KLHL24: variants seen among roughly 807,000 people sequenced by gnomAD.
KLHL24 encodes the protein kelch-like protein 24.
In KLHL24, 29 loss-of-function variants were observed where a neutral mutation model predicts 53.4. The ratio of observed to expected loss-of-function variants is 0.54; its 90% CI spans 0.40 to 0.74. KLHL24 has a LOEUF of 0.74. Ranked by LOEUF, KLHL24 falls within the 30% of genes least tolerant of loss-of-function variation. The pLI is 0.00. For missense variants in KLHL24, 504 were observed against 744.0 expected (o/e 0.68, Z 3.75); for synonymous variants, 222 against 253.7 (o/e 0.88, Z 1.19).
At chr3:183,659,333 T>C (rs1719366934) in intron 3 of KLHL24, among the ~76,000 whole-genome samples, 1 of 152,098 alleles carries the variant, frequency 6.6e-6, no homozygotes, top group South Asian at 2.1e-4. Flanking sequence ...GGTCAGGAGT[T>C]CGAGACCAGC....
chr3:183,664,174 A>G (rs188869487), intron 4 of KLHL24: 2 of 152,324 alleles, frequency 1.3e-5, no homozygotes, highest in East Asian at 3.9e-4. Context: ...GATCCACCAG[A>G]AGATACCTTT....
In KLHL24 at chr3:183,679,433, A is replaced by G. The variant is rs1354070878; in HGVS notation, c.*147A>G. ...TGGTGCCTTTCTCCTCAAAATATCA[A>G]TCTTTCAAACTATAATAAAGCCTTT... On this transcript the variant is annotated 3_prime_UTR_variant, in exon 8 of 8. Coordinates refer to ENST00000242810, the MANE Select transcript of KLHL24 (RefSeq NM_017644.3). 8.0e-6 allele frequency: 5 copies of G among 624,788 alleles called. No homozygotes were observed. The highest frequency in any genetic ancestry group is 1.4e-5 in the Non-Finnish European group (5 of 364,814). The allele number at this position is 624,788 out of a possible 1,614,324, so 38.7% of individuals were successfully genotyped here. A position where few individuals can be genotyped will look rare whatever the true frequency, so the allele number is the denominator to read the frequency against.
rs189326490 is a variant in KLHL24 at position 183,684,090 on chromosome 3, T to C, written c.*4804T>C. 2.6e-5 allele frequency: 4 copies of C among 152,630 alleles called. No individual in the cohort carries two copies. The highest frequency in any genetic ancestry group is 6.5e-5 in the Admixed American group (1 of 15,302). 9.5% of individuals were successfully genotyped at this position (152,630 alleles called of 1,614,324 possible). On this transcript the variant is annotated 3_prime_UTR_variant, in exon 8 of 8. Coordinates refer to ENST00000242810, the MANE Select transcript of KLHL24 (RefSeq NM_017644.3). ...ATCGAATGTCAAAAAAGTATACTTA[T>C]TTTTGTTCCATACTTATGTACAATT... is the stretch of plus-strand genomic sequence containing the variant.
At chr3:183,640,046 A>G (rs1001280943) in intron 1 of KLHL24, among the ~76,000 whole-genome samples, 6 of 152,094 alleles carry the variant, frequency 3.9e-5, no homozygotes, top group Admixed American at 6.6e-5. Flanking sequence ...AACCAAAACC[A>G]TTTTTCTAAC....
rs377410456 is a variant in KLHL24 at position 183,642,602 on chromosome 3, CAAAAAA to C, written c.-124-857_-124-852del. Among the ~76,000 whole-genome samples, 436 of 92,958 alleles carry C rather than the reference CAAAAAA, an allele frequency of 4.7e-3. 2 individuals carry two copies. The highest frequency in any genetic ancestry group is 0.014 in the African/African-American group (418 of 29,972). The allele number at this position is 92,958 out of a possible 152,430, so 61.0% of individuals were successfully genotyped here. A position where few individuals can be genotyped will look rare whatever the true frequency, so the allele number is the denominator to read the frequency against. On this transcript the variant is annotated intron_variant, in intron 1 of 7. Transcript: ENST00000242810. ...AAGCATTCCTCTTCTCCCCTTCCACCAAAAAAAAAAAAAAAAAAAAAAAAAAGGAAT... is the reference window on the plus strand; with the variant it reads ...AAGCATTCCTCTTCTCCCCTTCCACCAAAAAAAAAAAAAAAAAAAAGGAAT...
In KLHL24 at chr3:183,681,538, C is replaced by G. The variant is rs530456986; in HGVS notation, c.*2252C>G. 7 of 151,906 alleles carry G rather than the reference C, an allele frequency of 4.6e-5. No homozygotes were observed. The highest frequency in any genetic ancestry group is 1.7e-4 in the African/African-American group (7 of 41,442). The allele number at this position is 151,906 out of a possible 1,614,324, so 9.4% of individuals were successfully genotyped here. A position where few individuals can be genotyped will look rare whatever the true frequency, so the allele number is the denominator to read the frequency against. On this transcript the variant is annotated 3_prime_UTR_variant, in exon 8 of 8. Transcript: ENST00000242810. ...TCCTGAAAAACAGAATTTTTTTAAA[C>G]ACAGACCTCACACCAATATTAATTT...
Position 183,650,952 on chromosome 3 carries a change from C to G in KLHL24, c.596C>G (p.Ser199Cys). The G allele has an allele frequency of 6.2e-7, 1 of 1,614,176 alleles. No individual in the cohort carries two copies. Among genetic ancestry groups the G allele is most frequent in the Non-Finnish European group, 8.5e-7 (1 of 1,180,036 alleles). The change falls in exon 3 of 8, where the codon TCC (serine) becomes TGC (cysteine). Residue 199 changes from serine (S) to cysteine (C), a missense_variant. Physicochemically the swap from Ser to Cys is moderately radical, Grantham distance 112 (BLOSUM62 -1). Coordinates refer to ENST00000242810, the MANE Select transcript of KLHL24 (RefSeq NM_017644.3). This position sits in a 1 kb window ranked among gnomAD's most constrained non-coding sequence, Gnocchi z 4.5. ...NFALQTFEDV[S>C]QHEEFLELDK... ...GCGTTACAGACTTTTGAGGATGTATCCCAGCACGAAGAATTTCTTGAGCTT... is the reference window on the plus strand; with the variant it reads ...GCGTTACAGACTTTTGAGGATGTATGCCAGCACGAAGAATTTCTTGAGCTT...
intron 1 of KLHL24, among the ~76,000 whole-genome samples, chr3:183,640,879 C>T (rs1048322478): frequency 2.0e-5 from 3 of 151,912 alleles, no homozygotes; most frequent in Non-Finnish European, 4.4e-5. Context: ...GGACTGCAGG[C>T]GTGAGCCACC....
rs563260873 is a variant in KLHL24 at position 183,666,070 on chromosome 3, G to A, written c.1224+1031G>A. On this transcript the variant is annotated intron_variant, in intron 5 of 7. Coordinates refer to ENST00000242810, the MANE Select transcript of KLHL24 (RefSeq NM_017644.3). Reference sequence around the variant, plus strand: ...GCTAATTTTTATATTTTTAGTAGAGGCAGGGTTTCGCCATGTTGGCCAGGC... The same window carrying A: ...GCTAATTTTTATATTTTTAGTAGAGACAGGGTTTCGCCATGTTGGCCAGGC... 7.0e-4 allele frequency among the ~76,000 whole-genome samples: 107 copies of A among 151,928 alleles called. 1 individual carries two copies. Among genetic ancestry groups the A allele is most frequent in the Non-Finnish European group, 1.1e-3 (78 of 67,926 alleles).
intron 2 of KLHL24, among the ~76,000 whole-genome samples, chr3:183,649,486 T>C (rs1717813948): frequency 6.7e-6 from 1 of 149,402 alleles, no homozygotes; most frequent in African/African-American, 2.6e-5. Context: ...GATAAATCTG[T>C]CGACATAATT....
chr3:183,650,685 A>G lies in KLHL24; in HGVS notation c.329A>G (p.Asn110Ser), dbSNP rs1311287852. 6.8e-6 allele frequency: 11 copies of G among 1,614,058 alleles called. 1 individual carries two copies. The highest frequency in any genetic ancestry group is 1.1e-5 in the South Asian group (1 of 91,082). ...RESREMLVEI[N>S]GILAEAMECF... ...AGCCGAGAAATGTTGGTTGAGATCA[A>G]TGGTATTTTAGCTGAAGCTATGGAA... Residue 110 changes from asparagine (N) to serine (S), a missense_variant, in exon 3 of 8, where the codon AAT becomes AGT. Coordinates refer to ENST00000242810, the MANE Select transcript of KLHL24 (RefSeq NM_017644.3). The surrounding 1 kb of genome is among the most constrained non-coding windows in gnomAD (Gnocchi z 4.5).
At chr3:183,673,487 T>C (rs1027393297) in intron 7 of KLHL24, among the ~76,000 whole-genome samples, 11 of 152,194 alleles carry the variant, frequency 7.2e-5, no homozygotes, top group Admixed American at 6.5e-4. Context: ...ACTTGTTGTT[T>C]CTTTGGTTAG....
intron 5 of KLHL24, among the ~76,000 whole-genome samples, chr3:183,669,746 A>G (rs1721084109): frequency 6.6e-6 from 1 of 152,170 alleles, no homozygotes; most frequent in African/African-American, 2.4e-5. Flanking sequence ...GTATTTTAGG[A>G]AGAATAATCT....
intron 1 of KLHL24, among the ~76,000 whole-genome samples, chr3:183,636,952 G>A (rs1039167901): frequency 3.3e-5 from 5 of 152,182 alleles, no homozygotes; most frequent in Non-Finnish European, 7.4e-5. Flanking sequence ...CCTGCCCTCC[G>A]AGGACCGGAA....
chr3:183,664,938 C>A lies in KLHL24; in HGVS notation c.1123C>A (p.Arg375Ser). The A allele has an allele frequency of 6.2e-7, 1 of 1,606,490 alleles. No individual in the cohort carries two copies. The highest frequency in any genetic ancestry group is 8.5e-7 in the Non-Finnish European group (1 of 1,174,268). The change falls in exon 5 of 8, where the codon CGT (arginine) becomes AGT (serine). Residue 375 changes from arginine (R) to serine (S), a missense_variant. Coordinates refer to ENST00000242810, the MANE Select transcript of KLHL24 (RefSeq NM_017644.3). ...ATTTCAAGGTGGAAGAATCAACAGC[C>A]GTGATGTCTGGATTTATAACTCACA... ...ILVSGGRINS[R>S]DVWIYNSQLN...
At chr3:183,657,283 T>C (rs1719047971) in intron 3 of KLHL24, among the ~76,000 whole-genome samples, 1 of 152,162 alleles carries the variant, frequency 6.6e-6, no homozygotes, top group African/African-American at 2.4e-5. Flanking sequence ...CATGGCAAGT[T>C]GTTCGTGTCT....
chr3:183,640,972 G>A (rs1395697891), intron 1 of KLHL24, among the ~76,000 whole-genome samples: 1 of 152,122 alleles, frequency 6.6e-6, no homozygotes, highest in Admixed American at 6.6e-5. Flanking sequence ...GTTGAAAATA[G>A]CTTGAAGGCT....
At chr3:183,637,939 G>T (rs932343731) in intron 1 of KLHL24, among the ~76,000 whole-genome samples, 7 of 152,222 alleles carry the variant, frequency 4.6e-5, no homozygotes, top group African/African-American at 1.7e-4. Flanking sequence ...GATTGCAGGC[G>T]TGAGCCACCG....
intron 3 of KLHL24, 42 bp downstream of exon 3, chr3:183,651,318 A>G (rs764602452): frequency 1.6e-5 from 23 of 1,452,874 alleles, no homozygotes; most frequent in Non-Finnish European, 3.8e-6. Flanking sequence ...AAAGTTTTTA[A>G]TATATCTTTA....
Sources: allele counts gnomAD v4.1 joint callset (sites outside exome capture counted in the v4.1 genomes callset), GRCh38; gene constraint gnomAD v4.1.1; non-coding constraint Gnocchi (gnomAD v3.1); transcripts MANE v1.5; gene names NCBI Gene and HGNC (gene_info 2026-07-23, HGNC 2026-07-21).